The following KMT2A variants were observed in gnomAD, a reference collection of about 807,000 sequenced individuals.
KMT2A encodes histone-lysine N-methyltransferase 2A.
Under a neutral mutation model 345.3 loss-of-function variants are expected in KMT2A, and 16 were observed. The ratio of observed to expected loss-of-function variants is 0.05; its 90% CI spans 0.03 to 0.07. KMT2A has a LOEUF of 0.07. Ranked by LOEUF, KMT2A falls within the 10% of genes least tolerant of loss-of-function variation. The probability of loss-of-function intolerance (pLI) is 1.00; values close to 1 mark genes in which losing one functional copy is unlikely to be tolerated. For missense variants in KMT2A, 3,272 were observed against 4,841.6 expected (o/e 0.68, Z 9.62); for synonymous variants, 1,599 against 1,778.6 (o/e 0.90, Z 2.54).
intron 5 of KMT2A, 25 bp from the exon 6 acceptor site, chr11:118,480,149 C>T (rs782339955): frequency 1.3e-6 from 2 of 1,583,044 alleles, no homozygotes; most frequent in Non-Finnish European, 1.7e-6. Flanking sequence ...TAATTTGTTT[C>T]ATGGTTTATT....
At chr11:118,450,703 C>G (rs1334175273) in intron 1 of KMT2A, 1 of 152,164 alleles carries the variant, frequency 6.6e-6, no homozygotes, top group Non-Finnish European at 1.5e-5. Context: ...CAATCTCTTC[C>G]TATCTGTTAT....
chr11:118,462,712 T>C (rs1156310421), intron 1 of KMT2A, among the ~76,000 whole-genome samples: 7 of 152,108 alleles, frequency 4.6e-5, no homozygotes, highest in South Asian at 2.1e-4. Context: ...GCGCCCGCCA[T>C]CACGCCCGGC....
chr11:118,444,647 C>T (rs1159420303), intron 1 of KMT2A, among the ~76,000 whole-genome samples: 1 of 152,144 alleles, frequency 6.6e-6, no homozygotes, highest in Non-Finnish European at 1.5e-5. Context: ...ACAAACATTT[C>T]ATTTCAGCCT....
chr11:118,514,743 C>T (rs1385447561), intron 31 of KMT2A, among the ~76,000 whole-genome samples: 1 of 152,174 alleles, frequency 6.6e-6, no homozygotes, highest in Non-Finnish European at 1.5e-5. Context: ...AAGCGATTCT[C>T]CTGCCTCAGC....
chr11:118,445,166 T>C (rs782509432), intron 1 of KMT2A, among the ~76,000 whole-genome samples: 1 of 152,204 alleles, frequency 6.6e-6, no homozygotes, highest in African/African-American at 2.4e-5. Context: ...GTTCTTGATA[T>C]TAGTCTGAGT....
chr11:118,457,169 A>G lies in KMT2A; in HGVS notation c.433-11606A>G, dbSNP rs569576909. Among the ~76,000 whole-genome samples, 25 of 150,946 alleles carry G rather than the reference A, an allele frequency of 1.7e-4. No individual in the cohort carries two copies. The South Asian group carries it at 2.3e-3, about 14-fold the overall frequency. ...CTCCTACCAGAGTCACTAATCTGCT[A>G]TAGCCTTCAGGATGAGGTCTACACG... On this transcript the variant is annotated intron_variant, in intron 1 of 35. Coordinates refer to ENST00000534358, the MANE Select transcript of KMT2A (RefSeq NM_001197104.2).
intron 31 of KMT2A, among the ~76,000 whole-genome samples, chr11:118,517,859 A>T (rs1950857214): frequency 6.6e-6 from 1 of 152,144 alleles, no homozygotes; most frequent in East Asian, 1.9e-4. Flanking sequence ...AATATTGCTT[A>T]TCTAGAGACA....
rs1555043496 is a variant in KMT2A, at chr11:118,494,772, G to A, written c.5363+5G>A. 1 of 1,610,644 alleles carries A rather than the reference G, an allele frequency of 6.2e-7. No individual in the cohort carries two copies. The highest frequency in any genetic ancestry group is 1.7e-5 in the Admixed American group (1 of 59,976). On this transcript the variant is annotated splice_donor_5th_base_variant and intron_variant, in intron 18 of 35. Coordinates refer to ENST00000534358, the MANE Select transcript of KMT2A (RefSeq NM_001197104.2). This position sits in a 1 kb window ranked among gnomAD's most constrained non-coding sequence, Gnocchi z 5.8. ...GCCAAATAAAGTATCAAGCAAGTAA[G>A]TGAATTTAGCATAACTTTTTTTTCT...
At chr11:118,515,682 CTTT>C (rs11374365) in intron 31 of KMT2A, among the ~76,000 whole-genome samples, 1 of 97,476 alleles carries the variant, frequency 1.0e-5, no homozygotes, top group Non-Finnish European at 1.9e-5. Context: ...TTTTTCTGTC[CTTT>C]TTTTTTTTTT....
intron 1 of KMT2A, among the ~76,000 whole-genome samples, chr11:118,443,553 T>C (rs1949357276): frequency 2.6e-5 from 4 of 152,222 alleles, no homozygotes. Flanking sequence ...CTTGAAGGAT[T>C]AGTCCAAAAC....
chr11:118,499,292 T>G lies in KMT2A; in HGVS notation c.5962-11T>G, dbSNP rs782263730. 99 of 1,567,560 alleles carry G rather than the reference T, an allele frequency of 6.3e-5. No individual in the cohort carries two copies. The highest frequency in any genetic ancestry group is 8.3e-5 in the Non-Finnish European group (95 of 1,137,744). ...ACAGCCTATTAACAGCTACCATGGG[T>G]TTTATTTAAGGTGGTTCCTGAGAAT... On this transcript the variant is annotated splice_polypyrimidine_tract_variant and intron_variant, in intron 22 of 35. Transcript: ENST00000534358.
rs372482881 is a variant in KMT2A, at chr11:118,499,926, A to G, written c.6158+13A>G. On this transcript the variant is annotated intron_variant, in intron 24 of 35. Transcript: ENST00000534358. ...CTATTGGATATCAGTAAGTAGCACT[A>G]TAAAGAGAAGAGAGCAGCCCCACAA... The G allele has an allele frequency of 1.3e-6, 2 of 1,576,442 alleles. No individual in the cohort carries two copies. The highest frequency in any genetic ancestry group is 2.2e-5 in the South Asian group (2 of 90,318).
chr11:118,503,497 G>C lies in KMT2A; in HGVS notation c.7605G>C (p.Glu2535Asp), dbSNP rs1950534601. ...VTLTPLKMENESQSKNALKES... is the reference protein window; with the variant it reads ...VTLTPLKMENDSQSKNALKES... ...TGACACCTCTAAAAATGGAAAATGA[G>C]AGTCAATCCAAAAATGCCCTGAAAG... The change falls in exon 27 of 36, where the codon GAG (glutamate) becomes GAC (aspartate). Residue 2535 changes from glutamate to aspartate, a missense_variant. This residue lies in a region of KMT2A where 445 missense variants were observed against 500.9 expected (regional missense o/e 0.89). Transcript: ENST00000534358. This position sits in a 1 kb window ranked among gnomAD's most constrained non-coding sequence, Gnocchi z 5.3. The C allele has an allele frequency of 6.2e-7, 1 of 1,614,142 alleles. No individual in the cohort carries two copies. The highest frequency in any genetic ancestry group is 1.1e-5 in the South Asian group (1 of 91,088).
rs2134346235 is a variant in KMT2A at position 118,493,189 on chromosome 11, G to A, written c.5137G>A (p.Gly1713Arg). Residue 1713 changes from glycine (G) to arginine (R), a missense_variant, in exon 16 of 36, where the codon GGA (glycine) becomes AGA (arginine). By Grantham distance (125) the Gly-to-Arg change is moderately radical. This residue lies in a region of KMT2A where 235 missense variants were observed against 503.4 expected (regional missense o/e 0.47). Transcript: ENST00000534358. This position sits in a 1 kb window ranked among gnomAD's most constrained non-coding sequence, Gnocchi z 5.8. Reference sequence around the variant, plus strand: ...TGATCAGCAGCCTTTAGATCTAGAAGGAGTCAAGAGGAAGATGGACCAAGG... The same window carrying A: ...TGATCAGCAGCCTTTAGATCTAGAAAGAGTCAAGAGGAAGATGGACCAAGG... ...QDDQQPLDLE[G>R]VKRKMDQGNY... is the part of the protein sequence containing the mutation. 1.2e-6 allele frequency: 2 copies of A among 1,614,122 alleles called. No homozygotes were observed. Among genetic ancestry groups the A allele is most frequent in the Non-Finnish European group, 1.7e-6 (2 of 1,179,992 alleles).
At chr11:118,450,147 C>T (rs1949504948) in intron 1 of KMT2A, 1 of 151,660 alleles carries the variant, frequency 6.6e-6, no homozygotes, top group Non-Finnish European at 1.5e-5. Context: ...TCTGCTTTAG[C>T]AAGTAGATAA....
intron 1 of KMT2A, among the ~76,000 whole-genome samples, chr11:118,445,812 G>T (rs1949406683): frequency 6.6e-6 from 1 of 152,166 alleles, no homozygotes; most frequent in South Asian, 2.1e-4. Context: ...AGACCAGCCT[G>T]GCTAACATGG....
intron 1 of KMT2A, among the ~76,000 whole-genome samples, chr11:118,467,323 G>A (rs1949862549): frequency 1.3e-5 from 2 of 151,436 alleles, no homozygotes; most frequent in Non-Finnish European, 1.5e-5. Flanking sequence ...GTTGCAGTGA[G>A]CTGAGATCGC....
Position 118,504,335 on chromosome 11 carries a change from A to T in KMT2A, c.8443A>T (p.Thr2815Ser). ...ATTGGAGTCAAGCCGCAGAGTCCAC[A>T]CAAGTACCCCCTCCGACAAAAATTT... ...SSLESSRRVH[T>S]STPSDKNLLD... The change falls in exon 27 of 36, where the codon ACA becomes TCA. Residue 2815 changes from threonine to serine, a missense_variant. By Grantham distance (58) the Thr-to-Ser change is moderately conservative (BLOSUM62 1). This residue lies in a region of KMT2A where 100 missense variants were observed against 101.3 expected (regional missense o/e 0.99). Transcript: ENST00000534358. The surrounding 1 kb of genome is among the most constrained non-coding windows in gnomAD (Gnocchi z 6.4). 6.2e-7 allele frequency: 1 copy of T among 1,614,184 alleles called. No individual in the cohort carries two copies. Among genetic ancestry groups the T allele is most frequent in the Non-Finnish European group, 8.5e-7 (1 of 1,180,028 alleles).
intron 1 of KMT2A, among the ~76,000 whole-genome samples, chr11:118,466,491 C>A (rs1423157214): frequency 6.6e-6 from 1 of 152,128 alleles, no homozygotes; most frequent in Non-Finnish European, 1.5e-5. Flanking sequence ...ATAATGTTCA[C>A]AGTAAGAATT....
Sources: gnomAD v4.1 joint callset for allele counts (sites outside exome capture counted in the v4.1 genomes callset) on GRCh38, gnomAD v4.1.1 for gene constraint, gnomAD v4.1.1 regional missense constraint, Gnocchi (gnomAD v3.1) non-coding constraint, MANE v1.5 for transcripts, NCBI Gene and HGNC (gene_info 2026-07-23, HGNC 2026-07-21) for gene names.